Variants in ZFYVE9 observed in about 807,000 individuals in gnomAD.
The protein encoded by ZFYVE9 is zinc finger FYVE-type containing 9.
ZFYVE9 carries 43 observed loss-of-function variants against 126.7 expected under a neutral mutation model. That is an observed-to-expected ratio of 0.34 (90% confidence interval 0.27 to 0.44). ZFYVE9 has a LOEUF of 0.44. ZFYVE9 is among the 20% of genes least tolerant of loss of function. The pLI, the probability that ZFYVE9 is intolerant of heterozygous loss-of-function variation, is 1.00. For synonymous variants in ZFYVE9, 521 were observed against 597.4 expected (o/e 0.87, Z 1.87); for missense variants, 1,476 against 1,697.0 (o/e 0.87, Z 2.29).
At chr1:52,151,768 C>T (rs1396089653) in intron 1 of ZFYVE9, among the ~76,000 whole-genome samples, 2 of 151,968 alleles carry the variant, frequency 1.3e-5, no homozygotes, top group Admixed American at 6.6e-5. Flanking sequence ...CCACCCGCCT[C>T]GGCCTCCCAA....
chr1:52,252,158 C>A, intron 4 of ZFYVE9: 1 of 156,890 alleles, frequency 6.4e-6, no homozygotes. Context: ...CATCATTTGT[C>A]AATGAGCACC....
intron 12 of ZFYVE9, among the ~76,000 whole-genome samples, chr1:52,302,272 C>T (rs541029939): frequency 4.2e-4 from 64 of 152,138 alleles, no homozygotes; most frequent in African/African-American, 1.5e-3. Context: ...GCTTTTTTTG[C>T]AAGTAATGAA....
rs140364317 is a variant in ZFYVE9, at chr1:52,164,008, G to A, written c.-143+21605G>A. 4.0e-4 allele frequency among the ~76,000 whole-genome samples: 61 copies of A among 152,016 alleles called. No homozygotes were observed. In the East Asian group the frequency reaches 0.011, roughly 28 times the overall value. ...TCACTGTTGCCCAGGCTGGAGCGTA[G>A]TGGCTCAATCACTGCTCACTGCAAC... is the stretch of plus-strand genomic sequence containing the variant. On this transcript the variant is annotated intron_variant, in intron 1 of 18. Coordinates refer to ENST00000287727, the MANE Select transcript of ZFYVE9 (RefSeq NM_004799.4).
chr1:52,309,322 C>G (rs924854457), intron 13 of ZFYVE9, among the ~76,000 whole-genome samples: 1 of 151,996 alleles, frequency 6.6e-6, no homozygotes, highest in African/African-American at 2.4e-5. Flanking sequence ...ACAAAAAATA[C>G]AAAAAATTAG....
chr1:52,268,973 A>G (rs775367712), intron 7 of ZFYVE9, among the ~76,000 whole-genome samples: 17 of 152,202 alleles, frequency 1.1e-4, no homozygotes, highest in Non-Finnish European at 2.2e-4. Flanking sequence ...CAGGAGTGCT[A>G]TGGTGAGGAA....
At chr1:52,151,063 A>G (rs1253446539) in intron 1 of ZFYVE9, among the ~76,000 whole-genome samples, 1 of 150,976 alleles carries the variant, frequency 6.6e-6, no homozygotes, top group Admixed American at 6.6e-5. Flanking sequence ...ACTCATGGAA[A>G]TTTCTGCTCA....
At chr1:52,328,897 G>C (rs1414578709) in intron 13 of ZFYVE9, among the ~76,000 whole-genome samples, 1 of 152,174 alleles carries the variant, frequency 6.6e-6, no homozygotes, top group African/African-American at 2.4e-5. Flanking sequence ...TTCAATTATA[G>C]TTTGGATACC....
At chr1:52,343,054 C>T (rs1466960623) in intron 17 of ZFYVE9, among the ~76,000 whole-genome samples, 4 of 151,896 alleles carry the variant, frequency 2.6e-5, no homozygotes, top group African/African-American at 9.7e-5. Flanking sequence ...CCATAGGCAC[C>T]TGCCACCACG....
At chr1:52,176,571 T>C (rs1473212285) in intron 1 of ZFYVE9, among the ~76,000 whole-genome samples, 1 of 152,138 alleles carries the variant, frequency 6.6e-6, no homozygotes, top group Non-Finnish European at 1.5e-5. Context: ...TGTCTTTTTG[T>C]TTGTCTGTGC....
chr1:52,191,885 A>G (rs1644819193), intron 1 of ZFYVE9, among the ~76,000 whole-genome samples: 1 of 152,230 alleles, frequency 6.6e-6, no homozygotes, highest in Non-Finnish European at 1.5e-5. Flanking sequence ...GAGACCCAAA[A>G]GCTGTGTCTA....
intron 1 of ZFYVE9, among the ~76,000 whole-genome samples, chr1:52,208,010 T>C (rs1454867682): frequency 6.6e-6 from 1 of 152,212 alleles, no homozygotes; most frequent in Non-Finnish European, 1.5e-5. Flanking sequence ...TTGCTCAAAG[T>C]AGCAACAGCT....
intron 1 of ZFYVE9, among the ~76,000 whole-genome samples, chr1:52,173,938 C>T (rs139375767): frequency 0.036 from 5,421 of 151,032 alleles, 237 homozygotes; most frequent in African/African-American, 0.11. Flanking sequence ...TTTTGTTGAT[C>T]CTTTCAAAAA....
intron 2 of ZFYVE9, among the ~76,000 whole-genome samples, chr1:52,230,412 C>T (rs1645208013): frequency 6.6e-6 from 1 of 151,818 alleles, no homozygotes; most frequent in African/African-American, 2.4e-5. Flanking sequence ...ACACCAGGGC[C>T]TGTTGCGGGG....
intron 12 of ZFYVE9, among the ~76,000 whole-genome samples, chr1:52,300,222 T>C (rs1420158943): frequency 6.6e-6 from 1 of 152,042 alleles, no homozygotes; most frequent in Non-Finnish European, 1.5e-5. Context: ...TTTTGTTGAG[T>C]AGAGGGGAGC....
At chr1:52,317,339 G>C (rs1420343346) in intron 13 of ZFYVE9, among the ~76,000 whole-genome samples, 4 of 151,944 alleles carry the variant, frequency 2.6e-5, no homozygotes, top group African/African-American at 9.7e-5. Flanking sequence ...GGCCAACATG[G>C]TGAAACCCCA....
intron 1 of ZFYVE9, among the ~76,000 whole-genome samples, chr1:52,173,923 A>C (rs915664620): frequency 3.3e-5 from 5 of 151,752 alleles, no homozygotes; most frequent in African/African-American, 1.2e-4. Context: ...CTAGCGGTCT[A>C]TCAGTTTTGT....
chr1:52,148,854 C>T (rs114756152), intron 1 of ZFYVE9, among the ~76,000 whole-genome samples: 9,829 of 150,126 alleles, frequency 0.065, 350 homozygotes, highest in African/African-American at 0.1. Flanking sequence ...GTTGGCCAGG[C>T]CGGTCTCAAA....
Position 52,346,483 on chromosome 1 carries a change from G to A in ZFYVE9, c.*262G>A. ...CCTGCACAACAGTTATGCTATCCTT[G>A]CAGCTAATCCCCTTCTGTTACTGTT... On this transcript the variant is annotated 3_prime_UTR_variant, in exon 19 of 19. Transcript: ENST00000287727. The A allele has an allele frequency of 2.4e-6, 1 of 421,144 alleles. No individual in the cohort carries two copies. Among genetic ancestry groups the A allele is most frequent in the South Asian group, 9.4e-5 (1 of 10,610 alleles). 26.1% of individuals were successfully genotyped at this position (421,144 alleles called of 1,614,324 possible). A position where few individuals can be genotyped will look rare whatever the true frequency, so the allele number is the denominator to read the frequency against.
At chr1:52,155,188 C>T (rs1169107929) in intron 1 of ZFYVE9, among the ~76,000 whole-genome samples, 1 of 150,148 alleles carries the variant, frequency 6.7e-6, no homozygotes, top group Admixed American at 6.6e-5. Flanking sequence ...CATTGTATCT[C>T]TTAATAGGAC....
Sources: gnomAD v4.1 joint callset for allele counts (sites outside exome capture counted in the v4.1 genomes callset) on GRCh38, gnomAD v4.1.1 for gene constraint, MANE v1.5 for transcripts, NCBI Gene and HGNC (gene_info 2026-07-23, HGNC 2026-07-21) for gene names.